Variants in RFX7 observed in about 807,000 individuals in gnomAD.
The protein encoded by RFX7 is DNA-binding protein RFX7.
In RFX7, 26 loss-of-function variants were observed where a neutral mutation model predicts 111.8. The ratio of observed to expected loss-of-function variants is 0.23; its 90% CI spans 0.17 to 0.32. RFX7 has a LOEUF of 0.32. Ranked by LOEUF, RFX7 falls within the 10% of genes least tolerant of loss-of-function variation. The probability of loss-of-function intolerance (pLI) is 1.00; values close to 1 mark genes in which losing one functional copy is unlikely to be tolerated. For synonymous variants in RFX7, 624 were observed against 624.4 expected (o/e 1.00, Z 0.01); for missense variants, 1,573 against 1,772.9 (o/e 0.89, Z 2.02).
intron 5 of RFX7, among the ~76,000 whole-genome samples, chr15:56,110,136 A>G (rs2041897007): frequency 8.6e-6 from 1 of 116,646 alleles, no homozygotes; most frequent in Non-Finnish European, 1.7e-5. Flanking sequence ...TCCGGGAGGG[A>G]GGTGGGGGGG....
chr15:56,162,498 A>G (rs1386306515), intron 3 of RFX7, among the ~76,000 whole-genome samples: 2 of 152,062 alleles, frequency 1.3e-5, no homozygotes, highest in African/African-American at 2.4e-5. Context: ...AATTCCCATC[A>G]TATTTTTGAG....
chr15:56,231,800 G>T (rs1432102638), intron 2 of RFX7, among the ~76,000 whole-genome samples: 2 of 152,150 alleles, frequency 1.3e-5, no homozygotes, highest in Non-Finnish European at 2.9e-5. Flanking sequence ...CAAAAAGCTA[G>T]TTACTTCCTA....
At position 56,093,372 on chromosome 15, in the gene RFX7, G is replaced by A. The variant is rs1163406012; in HGVS notation, c.4356C>T (p.Asp1452=). Residue 1452 remains aspartate (D), a synonymous_variant, in exon 10 of 10, where the codon GAC becomes GAT. Transcript: ENST00000559447. ...AACCCAACATTTCAACAGTAGGATGGTCCTTGCTTTCTATCCATTCAAAAC... is the reference window on the plus strand; with the variant it reads ...AACCCAACATTTCAACAGTAGGATGATCCTTGCTTTCTATCCATTCAAAAC... ...SSGFEWIESK[D]HPTVEMLG 1.2e-6 allele frequency: 2 copies of A among 1,612,222 alleles called. No individual in the cohort carries two copies. Among genetic ancestry groups the A allele is most frequent in the South Asian group, 1.1e-5 (1 of 90,758 alleles).
intron 9 of RFX7, among the ~76,000 whole-genome samples, chr15:56,097,771 A>AAAC (rs1567005692): frequency 1.3e-5 from 2 of 149,282 alleles, no homozygotes; most frequent in Non-Finnish European, 1.5e-5. Flanking sequence ...AAAAAAAAAA[A>AAAC]TCTTGGCTCA....
chr15:56,139,602 T>G (rs572863082), intron 5 of RFX7, among the ~76,000 whole-genome samples: 59 of 152,338 alleles, frequency 3.9e-4, no homozygotes, highest in Non-Finnish European at 6.0e-4. Flanking sequence ...GTCTGAAGCC[T>G]TCTTCTCTCT....
At chr15:56,234,369 T>TA (rs1394598099) in intron 2 of RFX7, among the ~76,000 whole-genome samples, 5 of 152,240 alleles carry the variant, frequency 3.3e-5, no homozygotes, top group African/African-American at 1.2e-4. Context: ...CATGATTCTA[T>TA]AAATTCAGAA....
rs1426543934 is a variant in RFX7, at chr15:56,144,397, A to G, written c.278+4T>C. The G allele has an allele frequency of 3.7e-6, 5 of 1,346,140 alleles. No homozygotes were observed. Among genetic ancestry groups the G allele is most frequent in the South Asian group, 2.3e-5 (2 of 87,364 alleles). The allele number at this position is 1,346,140 out of a possible 1,614,324, so 83.4% of individuals were successfully genotyped here. On this transcript the variant is annotated splice_donor_region_variant and intron_variant, in intron 4 of 9. Transcript: ENST00000559447. ...AATTATAGCAAAGACAAGAATAGAT[A>G]TACCTTTTCTCTCCATTGCTGAGAC...
intron 3 of RFX7, among the ~76,000 whole-genome samples, chr15:56,172,567 A>C (rs1376548933): frequency 2.0e-5 from 3 of 152,150 alleles, no homozygotes; most frequent in Admixed American, 6.5e-5. Context: ...TCTTCTGTTG[A>C]GAGATAAGGG....
chr15:56,145,160 T>G (rs1158350607), intron 3 of RFX7, among the ~76,000 whole-genome samples: 2 of 152,206 alleles, frequency 1.3e-5, no homozygotes, highest in Non-Finnish European at 2.9e-5. Context: ...ATGTAACCTT[T>G]AAAATAATTT....
At chr15:56,097,575 TACAAAAC>T (rs1411166047) in intron 9 of RFX7, among the ~76,000 whole-genome samples, 1 of 151,516 alleles carries the variant, frequency 6.6e-6, no homozygotes, top group Non-Finnish European at 1.5e-5. Context: ...CAACTAAAAA[TACAAAAC>T]ACAAAAATAC....
At position 56,093,574 on chromosome 15, in the gene RFX7, C is replaced by T. The variant is rs1256151905; in HGVS notation, c.4154G>A (p.Arg1385Lys). ...NTASDFSSDI[R>K]LSSELSGSIN... is the part of the protein sequence containing the mutation. ...GCTGCCTGAGAGCTCAGAAGACAACCTGATATCGCTAGAGAAATCAGATGC... is the reference window on the plus strand; with the variant it reads ...GCTGCCTGAGAGCTCAGAAGACAACTTGATATCGCTAGAGAAATCAGATGC... The change falls in exon 10 of 10, where the codon AGG (arginine) becomes AAG (lysine). Residue 1385 changes from arginine to lysine, a missense_variant. By Grantham distance (26) the Arg-to-Lys change is conservative (BLOSUM62 2). Coordinates refer to ENST00000559447, the MANE Select transcript of RFX7 (RefSeq NM_022841.7). 7 of 1,613,626 alleles carry T rather than the reference C, an allele frequency of 4.3e-6. No homozygotes were observed. The highest frequency in any genetic ancestry group is 3.3e-4 in the Middle Eastern group (2 of 6,060).
intron 2 of RFX7, among the ~76,000 whole-genome samples, chr15:56,186,660 T>C (rs77546433): frequency 6.6e-6 from 1 of 152,060 alleles, no homozygotes; most frequent in African/African-American, 2.4e-5. Flanking sequence ...ATGTATAATA[T>C]ACACACATAT....
In RFX7 at chr15:56,185,408, C is replaced by A. The variant is rs192548098; in HGVS notation, c.162-6105G>T. 5.8e-4 allele frequency among the ~76,000 whole-genome samples: 89 copies of A among 152,194 alleles called. 1 individual carries two copies. Among genetic ancestry groups the A allele is most frequent in the Non-Finnish European group, 9.7e-4 (66 of 67,958 alleles). ...CTGCTAGAGGGATTTCCATATAGAT[C>A]TATATTTAATCAAGTTTATTAATTA... On this transcript the variant is annotated intron_variant, in intron 2 of 9. Coordinates refer to ENST00000559447, the MANE Select transcript of RFX7 (RefSeq NM_022841.7).
At position 56,136,863 on chromosome 15, in the gene RFX7, T is replaced by C. The variant is rs868555135; in HGVS notation, c.401+5915A>G. On this transcript the variant is annotated intron_variant, in intron 5 of 9. Transcript: ENST00000559447. The stretch of plus-strand genomic sequence containing the variant: ...TTTTGTCAAAGGCTTTTTCTGCATC[T>C]ATTGAGATAATCATGTGGTTTTTGT... 7.1e-3 allele frequency among the ~76,000 whole-genome samples: 1,053 copies of C among 147,306 alleles called. 12 individuals carry two copies. Among genetic ancestry groups the C allele is most frequent in the African/African-American group, 0.026 (1,019 of 39,658 alleles).
chr15:56,166,847 G>A (rs2042788509), intron 3 of RFX7, among the ~76,000 whole-genome samples: 1 of 152,046 alleles, frequency 6.6e-6, no homozygotes, highest in Admixed American at 6.6e-5. Context: ...TGGAACTCCT[G>A]AGCTCAAGTA....
chr15:56,141,536 T>C (rs1288191379), intron 5 of RFX7, among the ~76,000 whole-genome samples: 1 of 151,512 alleles, frequency 6.6e-6, no homozygotes, highest in Non-Finnish European at 1.5e-5. Flanking sequence ...AGTTTCAACA[T>C]ATCATACAAG....
At chr15:56,178,906 T>A (rs2042932655) in intron 3 of RFX7, among the ~76,000 whole-genome samples, 1 of 152,106 alleles carries the variant, frequency 6.6e-6, no homozygotes, top group Admixed American at 6.6e-5. Flanking sequence ...AAACACACTA[T>A]CTCAACAAAA....
chr15:56,173,038 T>C (rs1375657196), intron 3 of RFX7, among the ~76,000 whole-genome samples: 1 of 152,098 alleles, frequency 6.6e-6, no homozygotes, highest in Non-Finnish European at 1.5e-5. Flanking sequence ...TGAAGACAAC[T>C]TGACTGTCGT....
intron 3 of RFX7, among the ~76,000 whole-genome samples, chr15:56,161,710 A>G (rs1046772074): frequency 3.3e-5 from 5 of 152,098 alleles, no homozygotes; most frequent in African/African-American, 7.2e-5. Context: ...AACACGGTAG[A>G]AAGTACCGTA....
Sources: allele counts gnomAD v4.1 joint callset (sites outside exome capture counted in the v4.1 genomes callset), GRCh38; gene constraint gnomAD v4.1.1; transcripts MANE v1.5; gene names NCBI Gene and HGNC (gene_info 2026-07-23, HGNC 2026-07-21).